Variants in RYR2 observed in about 807,000 individuals in gnomAD.
RYR2 encodes ryanodine receptor 2, also known as cardiac muscle ryanodine receptor-calcium release channel.
In RYR2, 227 loss-of-function variants were observed where a neutral mutation model predicts 601.1. The ratio of observed to expected loss-of-function variants is 0.38; its 90% confidence interval spans 0.34 to 0.42. The LOEUF (loss-of-function observed/expected upper bound fraction) is 0.42, where lower values mean the gene tolerates loss of function less well. Ranked by LOEUF, RYR2 falls within the 10% of genes least tolerant of loss-of-function variation. The pLI, the probability that RYR2 is intolerant of heterozygous loss-of-function variation, is 1.00. For missense variants in RYR2, 4,646 were observed against 6,156.5 expected (o/e 0.75, Z 8.21); for synonymous variants, 2,223 against 2,175.1 (o/e 1.02, Z -0.61).
intron 44 of RYR2, 108 bp downstream of exon 44, chr1:237,635,100 A>G (rs1680740100): frequency 2.4e-6 from 2 of 844,982 alleles, no homozygotes; most frequent in Non-Finnish European, 3.5e-6. Context: ...GTGGTTTTGC[A>G]ATGTGACATT....
At chr1:237,064,369 A>G (rs10802585) in intron 1 of RYR2, among the ~76,000 whole-genome samples, 143,049 of 152,166 alleles carry the variant, frequency 0.94, 67,822 homozygotes, top group East Asian at 1. Context: ...CTGTTGTAAC[A>G]TTCTTCCTCT....
At chr1:237,347,299 T>G (rs1698387818) in intron 3 of RYR2, among the ~76,000 whole-genome samples, 1 of 151,964 alleles carries the variant, frequency 6.6e-6, no homozygotes, top group Non-Finnish European at 1.5e-5. Context: ...GGCACCAAAG[T>G]GAGACCCCGT....
At chr1:237,379,696 T>G (rs565710353) in intron 8 of RYR2, among the ~76,000 whole-genome samples, 13 of 152,320 alleles carry the variant, frequency 8.5e-5, no homozygotes, top group African/African-American at 2.9e-4. Context: ...GTGGCCATCA[T>G]AGCTCACAGA....
chr1:237,055,207 G>A (rs187643986), intron 1 of RYR2, among the ~76,000 whole-genome samples: 3 of 152,260 alleles, frequency 2.0e-5, no homozygotes, highest in Admixed American at 6.5e-5. Context: ...GAGAGATGAC[G>A]GGCGAGTACT....
At chr1:237,599,507 C>T (rs538245105) in intron 34 of RYR2, among the ~76,000 whole-genome samples, 29 of 152,220 alleles carry the variant, frequency 1.9e-4, no homozygotes, top group African/African-American at 7.0e-4. Context: ...AAGATACAAT[C>T]TCAGTTACAA....
intron 25 of RYR2, among the ~76,000 whole-genome samples, chr1:237,540,672 A>G (rs1412110209): frequency 1.3e-5 from 2 of 151,966 alleles, no homozygotes; most frequent in African/African-American, 2.4e-5. Flanking sequence ...GCATCATTGT[A>G]ATCCAGCCTG....
chr1:237,138,834 C>T (rs1673081162), intron 1 of RYR2, among the ~76,000 whole-genome samples: 1 of 152,180 alleles, frequency 6.6e-6, no homozygotes, highest in Non-Finnish European at 1.5e-5. Flanking sequence ...GAAATGCAAA[C>T]TCAATCTGCA....
Position 237,733,743 on chromosome 1 carries a change from A to G in RYR2, c.11078A>G (p.Asp3693Gly). Reference protein sequence around the residue: ...EEDFLYMAYADIMAKSCHDEE... With the variant: ...EEDFLYMAYAGIMAKSCHDEE... ...GATTTTTTATATATGGCCTATGCAGATATTATGGCAAAGGTAAATAAGTAT... is the reference window on the plus strand; with the variant it reads ...GATTTTTTATATATGGCCTATGCAGGTATTATGGCAAAGGTAAATAAGTAT... Residue 3693 changes from aspartate to glycine, a missense_variant, in exon 79 of 105, where the codon GAT becomes GGT. Physicochemically the swap from Asp to Gly is moderately conservative, Grantham distance 94 (BLOSUM62 -1). Transcript: ENST00000366574. 6.2e-7 allele frequency: 1 copy of G among 1,604,930 alleles called. No homozygotes were observed. The highest frequency in any genetic ancestry group is 2.2e-5 in the East Asian group (1 of 44,818).
At chr1:237,514,393 C>T (rs2618689) in intron 24 of RYR2, among the ~76,000 whole-genome samples, 48,033 of 151,846 alleles carry the variant, frequency 0.32, 9,196 homozygotes, top group East Asian at 0.5. Flanking sequence ...TCAGACTGCA[C>T]GTACTGTGGT....
At chr1:237,460,200 G>A (rs534258453) in intron 16 of RYR2, among the ~76,000 whole-genome samples, 2 of 152,188 alleles carry the variant, frequency 1.3e-5, no homozygotes, top group Non-Finnish European at 2.9e-5. Flanking sequence ...TGGGAAAAGT[G>A]AAAGAGGGCT....
rs74773645 is a variant in RYR2, at chr1:237,124,890, A to G, written c.48+82321A>G. ...ATGGTTCTAATTTTGGGAATCACAC[A>G]TATGTTGACTTATGACAATGACTGC... On this transcript the variant is annotated intron_variant, in intron 1 of 104. Coordinates refer to ENST00000366574, the MANE Select transcript of RYR2 (RefSeq NM_001035.3). Among the ~76,000 whole-genome samples the G allele has an allele frequency of 3.9e-3, 596 of 152,290 alleles. 1 individual carries two copies. Among genetic ancestry groups the G allele is most frequent in the Non-Finnish European group, 6.9e-3 (471 of 68,030 alleles).
At chr1:237,164,777 C>T (rs1471275324) in intron 1 of RYR2, among the ~76,000 whole-genome samples, 1 of 152,140 alleles carries the variant, frequency 6.6e-6, no homozygotes, top group Non-Finnish European at 1.5e-5. Context: ...CAGGCCAGAC[C>T]TCAAAGTTGA....
intron 87 of RYR2, among the ~76,000 whole-genome samples, chr1:237,777,383 A>G (rs1694752975): frequency 1.3e-5 from 2 of 152,224 alleles, no homozygotes; most frequent in Admixed American, 1.3e-4. Context: ...TTCTATTTCA[A>G]CATCTTGGAT....
At chr1:237,742,443 T>C in intron 80 of RYR2, 94 bp downstream of exon 80, 1 of 899,162 alleles carries the variant, frequency 1.1e-6, no homozygotes, top group Non-Finnish European at 1.8e-6. Context: ...CTTCATGGCT[T>C]ATTGCAGCTT....
At chr1:237,231,275 C>G (rs554037167) in intron 1 of RYR2, among the ~76,000 whole-genome samples, 2 of 151,336 alleles carry the variant, frequency 1.3e-5, no homozygotes, top group South Asian at 2.1e-4. Flanking sequence ...TCTTTTCATT[C>G]TTTCTTTTTT....
intron 15 of RYR2, among the ~76,000 whole-genome samples, chr1:237,454,838 C>T (rs751789811): frequency 6.6e-6 from 1 of 152,172 alleles, no homozygotes; most frequent in Non-Finnish European, 1.5e-5. Flanking sequence ...AGCCCTCACC[C>T]TGGTCTTTTG....
chr1:237,427,528 C>T (rs547011317), intron 12 of RYR2, among the ~76,000 whole-genome samples: 10 of 152,052 alleles, frequency 6.6e-5, no homozygotes, highest in African/African-American at 2.4e-4. Flanking sequence ...CGGTGGCTCA[C>T]TCCCAGCACT....
chr1:237,155,390 A>G (rs2148832049), intron 1 of RYR2, among the ~76,000 whole-genome samples: 1 of 151,888 alleles, frequency 6.6e-6, no homozygotes, highest in South Asian at 2.1e-4. Flanking sequence ...GTTAGCCAGG[A>G]TGGTCTTGAT....
intron 2 of RYR2, among the ~76,000 whole-genome samples, chr1:237,319,229 T>C (rs753855150): frequency 5.9e-5 from 9 of 152,196 alleles, no homozygotes; most frequent in Non-Finnish European, 4.4e-5. Context: ...AAGCATGCTT[T>C]CCTTTAGTTC....
Sources: gnomAD v4.1 joint callset for allele counts (sites outside exome capture counted in the v4.1 genomes callset) on GRCh38, gnomAD v4.1.1 for gene constraint, MANE v1.5 for transcripts, NCBI Gene and HGNC (gene_info 2026-07-23, HGNC 2026-07-21) for gene names.